The following OTOF variants were observed in gnomAD, a reference collection of about 807,000 sequenced individuals.
The protein encoded by OTOF is otoferlin.
In OTOF, 218 loss-of-function variants were observed where a neutral mutation model predicts 236.8. The observed-to-expected ratio is 0.92, with a 90% confidence interval of 0.82 to 1.03. OTOF has a LOEUF of 1.03. Ranked by LOEUF, OTOF falls within the 50% of genes least tolerant of loss-of-function variation. OTOF has a pLI of 0.00. For missense variants in OTOF, 2,590 were observed against 2,694.4 expected, an observed-to-expected ratio of 0.96 and a Z score of 0.86; for synonymous variants, 1,041 against 1,072.5, an observed-to-expected ratio of 0.97 and a Z score of 0.57.
intron 6 of OTOF, among the ~76,000 whole-genome samples, chr2:26,503,152 A>G (rs967482594): frequency 2.0e-5 from 3 of 152,172 alleles, no homozygotes; most frequent in African/African-American, 7.2e-5. Context: ...GGGAGCCCCG[A>G]TGGTGGGCCC....
chr2:26,461,980 G>T lies in OTOF; in HGVS notation c.5292-43C>A, dbSNP rs1335506863. 6.2e-7 allele frequency: 1 copy of T among 1,613,454 alleles called. No homozygotes were observed. The highest frequency in any genetic ancestry group is 8.5e-7 in the Non-Finnish European group (1 of 1,179,804). ...CCAGACCCGCAGCCAGGCTGGTGGG[G>T]CCTCTCCCACCCACAGCCACCTTCC... On this transcript the variant is annotated intron_variant, in intron 42 of 46. Coordinates refer to ENST00000272371, the MANE Select transcript of OTOF (RefSeq NM_194248.3). The surrounding 1 kb of genome is among the most constrained non-coding windows in gnomAD (Gnocchi z 6.2).
intron 1 of OTOF, among the ~76,000 whole-genome samples, chr2:26,539,195 T>C (rs1667152190): frequency 6.6e-6 from 1 of 152,076 alleles, no homozygotes; most frequent in Admixed American, 6.6e-5. Context: ...GGAGGATAAA[T>C]ACTGTTTTAG....
At position 26,470,012 on chromosome 2, in the gene OTOF, T is replaced by A. The variant is rs146121176; in HGVS notation, c.4023+581A>T. Among the ~76,000 whole-genome samples, 6 of 152,328 alleles carry A rather than the reference T, an allele frequency of 3.9e-5. No individual in the cohort carries two copies. In the East Asian group the frequency reaches 1.2e-3, roughly 29 times the overall value. The stretch of plus-strand genomic sequence containing the variant: ...GGAACTTGCAATCTGGCCAAACAGA[T>A]GGAACCCACATATGTGTAATAGGGG... On this transcript the variant is annotated intron_variant, in intron 32 of 46. Coordinates refer to ENST00000272371, the MANE Select transcript of OTOF (RefSeq NM_194248.3). This position sits in a 1 kb window ranked among gnomAD's most constrained non-coding sequence, Gnocchi z 4.3.
intron 33 of OTOF, among the ~76,000 whole-genome samples, chr2:26,467,840 ACT>A (rs1265825436): frequency 6.6e-6 from 1 of 151,540 alleles, no homozygotes; most frequent in African/African-American, 2.4e-5. Context: ...TAATAATAAC[ACT>A]CTGTATTAGC....
chr2:26,466,877 G>A, intron 35 of OTOF, 26 bp from the exon 36 acceptor site: 2 of 1,614,054 alleles, frequency 1.2e-6, no homozygotes, highest in Non-Finnish European at 1.7e-6. Context: ...GTGGGTCAGG[G>A]TGTAGGTTTG....
intron 1 of OTOF, among the ~76,000 whole-genome samples, chr2:26,552,707 GAGA>G (rs140153323): frequency 0.03 from 4,633 of 152,284 alleles, 205 homozygotes; most frequent in East Asian, 0.17. Context: ...GCATTAGGCA[GAGA>G]AGATTTCCCT....
In OTOF at chr2:26,463,585, T is replaced by C. The variant is rs780258554; in HGVS notation, c.5104-14A>G. ...CTCCAGGCGGCCCTGAGGAAGAGGG[T>C]TGTGGCAGATCTCCCAGGGCCTTCT... On this transcript the variant is annotated splice_polypyrimidine_tract_variant and intron_variant, in intron 40 of 46. Coordinates refer to ENST00000272371, the MANE Select transcript of OTOF (RefSeq NM_194248.3). 1.3e-6 allele frequency: 2 copies of C among 1,583,960 alleles called. No individual in the cohort carries two copies. Among genetic ancestry groups the C allele is most frequent in the Non-Finnish European group, 1.7e-6 (2 of 1,162,578 alleles).
At chr2:26,496,997 G>A (rs1666001413) in intron 8 of OTOF, among the ~76,000 whole-genome samples, 1 of 150,610 alleles carries the variant, frequency 6.6e-6, no homozygotes, top group African/African-American at 2.4e-5. Context: ...ATGATACTTA[G>A]AATGATTGAT....
rs748545363 is a variant in OTOF, at chr2:26,474,077, TG to T, written c.3321del (p.Ile1108SerfsTer38). 4 of 1,612,762 alleles carry T rather than the reference TG, an allele frequency of 2.5e-6. No homozygotes were observed. The highest frequency in any genetic ancestry group is 1.3e-5 in the African/African-American group (1 of 74,834). The stretch of plus-strand genomic sequence containing the variant: ...CGGTCCACGTCCACCGGGCCATTGA[TG>T]GGGGGCAGGTCAGCCTTCCCTGCTG... ...IGPAGKADLP[P>X]INGPVDVDRG... is the part of the protein sequence containing the mutation. On this transcript the variant is annotated frameshift_variant, in exon 27 of 47. Transcript: ENST00000272371. LOFTEE classifies it high-confidence loss of function.
intron 38 of OTOF, 147 bp downstream of exon 38, chr2:26,465,525 T>C: frequency 1.3e-6 from 1 of 797,880 alleles, no homozygotes; most frequent in Non-Finnish European, 2.1e-6. Flanking sequence ...CCCTGAAGAC[T>C]GTGCCCAGGG....
intron 8 of OTOF, 126 bp from the exon 9 acceptor site, chr2:26,495,199 G>T: frequency 1.1e-6 from 1 of 895,018 alleles, no homozygotes; most frequent in Non-Finnish European, 1.8e-6. Flanking sequence ...CTGGCCTCCT[G>T]GGCTCCATTC....
intron 1 of OTOF, among the ~76,000 whole-genome samples, chr2:26,551,240 C>T (rs1164823061): frequency 6.6e-6 from 1 of 152,260 alleles, no homozygotes; most frequent in African/African-American, 2.4e-5. Context: ...TCCCCCCCGC[C>T]TTGGCCTCCC....
intron 1 of OTOF, 47 bp downstream of exon 1, chr2:26,558,446 G>T: frequency 6.6e-7 from 1 of 1,521,500 alleles, no homozygotes; most frequent in Non-Finnish European, 9.1e-7. Flanking sequence ...GCATGGGCTG[G>T]TCCAGCTCTC....
chr2:26,555,456 G>A (rs570467516), intron 1 of OTOF, among the ~76,000 whole-genome samples: 1 of 152,364 alleles, frequency 6.6e-6, no homozygotes, highest in African/African-American at 2.4e-5. Flanking sequence ...GCATGAACAG[G>A]GCAGCACCAG....
Position 26,482,567 on chromosome 2 carries a change from C to T in OTOF, c.1418G>A (p.Ser473Asn). ...QKGKTSVQKSSYEPLWNEQVV... is the reference protein window; with the variant it reads ...QKGKTSVQKSNYEPLWNEQVV... ...CTGCTCATTCCACAGGGGCTCATAG[C>T]TGCTCTTCTGCACTGAAGTCTTGCC... is the stretch of plus-strand genomic sequence containing the variant. The change falls in exon 14 of 47, where the codon AGC (serine) becomes AAC (asparagine). Residue 473 changes from serine to asparagine, a missense_variant. Ser to Asn is a conservative substitution (Grantham distance 46, BLOSUM62 1). Around this residue, in one of 2 missense-constraint regions of OTOF, gnomAD observed 1,379 missense variants for 1,341.6 expected, o/e 1.03. Transcript: ENST00000272371. The T allele has an allele frequency of 6.2e-7, 1 of 1,613,340 alleles. No individual in the cohort carries two copies. The highest frequency in any genetic ancestry group is 8.5e-7 in the Non-Finnish European group (1 of 1,179,960).
At chr2:26,515,750 A>G (rs13408205) in intron 5 of OTOF, among the ~76,000 whole-genome samples, 180 of 152,276 alleles carry the variant, frequency 1.2e-3, no homozygotes, top group African/African-American at 4.2e-3. Context: ...ACAACATCTT[A>G]CTAGACTAGC....
intron 8 of OTOF, among the ~76,000 whole-genome samples, chr2:26,499,567 G>A (rs932279695): frequency 2.0e-5 from 3 of 151,958 alleles, no homozygotes; most frequent in African/African-American, 7.3e-5. Context: ...GAGTGCAGTG[G>A]TGCGGTCTCG....
Position 26,462,246 on chromosome 2 carries a change from T to C in OTOF, c.5193-65A>G. 1 of 1,393,466 alleles carries C rather than the reference T, an allele frequency of 7.2e-7. No individual in the cohort carries two copies. The highest frequency in any genetic ancestry group is 1.0e-6 in the Non-Finnish European group (1 of 980,036). 86.3% of individuals were successfully genotyped at this position (1,393,466 alleles called of 1,614,324 possible). ...GGGGGTTATGCCAGGGTGCCAGGGC[T>C]GGGATGGGGCAGGCGGAGAGAAGCC... On this transcript the variant is annotated intron_variant, in intron 41 of 46. Coordinates refer to ENST00000272371, the MANE Select transcript of OTOF (RefSeq NM_194248.3). The surrounding 1 kb of genome is among the most constrained non-coding windows in gnomAD (Gnocchi z 4.7).
rs150070091 is a variant in OTOF, at chr2:26,476,977, G to T, written c.2590C>A (p.Arg864Ser). Reference sequence around the variant, plus strand: ...AAGAGCAGGTCCTTGGAGGGCACACGGGCATAGGCGACACGCTTGTTGTTG... The same window carrying T: ...AAGAGCAGGTCCTTGGAGGGCACACTGGCATAGGCGACACGCTTGTTGTTG... ...MSNNKRVAYA[R>S]VPSKDLLFSI... is the part of the protein sequence containing the mutation. Residue 864 changes from arginine to serine, a missense_variant, in exon 22 of 47, where the codon CGT (arginine) becomes AGT (serine). Transcript: ENST00000272371. 1 of 1,611,634 alleles carries T rather than the reference G, an allele frequency of 6.2e-7. No individual in the cohort carries two copies. Among genetic ancestry groups the T allele is most frequent in the South Asian group, 1.1e-5 (1 of 91,046 alleles).
Sources: allele counts gnomAD v4.1 joint callset (sites outside exome capture counted in the v4.1 genomes callset), GRCh38; gene constraint gnomAD v4.1.1; regional missense constraint gnomAD v4.1.1; non-coding constraint Gnocchi (gnomAD v3.1); transcripts MANE v1.5; gene names NCBI Gene and HGNC (gene_info 2026-07-23, HGNC 2026-07-21).